Variants in MACROH2A1 observed in about 807,000 individuals in gnomAD.
MACROH2A1 encodes macroH2A.1 histone.
A neutral mutation model predicts 31.6 loss-of-function variants in MACROH2A1; 2 were observed. That is an observed-to-expected ratio of 0.06 (90% confidence interval 0.03 to 0.20). The LOEUF is 0.20. Among genes scored for constraint, MACROH2A1 ranks in the 10% least tolerant of loss-of-function variants. The pLI is 1.00. For missense variants in MACROH2A1, 230 were observed against 474.0 expected (o/e 0.49, Z 4.78); for synonymous variants, 169 against 189.6 (o/e 0.89, Z 0.89).
chr5:135,360,028 C>G (rs1359894509), intron 5 of MACROH2A1: 1 of 324,578 alleles, frequency 3.1e-6, no homozygotes, highest in Non-Finnish European at 4.5e-6. Flanking sequence ...CCCAGTGCAC[C>G]CATCAGTACA....
chr5:135,343,170 C>T, intron 8 of MACROH2A1, 90 bp downstream of exon 8: 6 of 1,601,886 alleles, frequency 3.7e-6, no homozygotes, highest in Non-Finnish European at 5.1e-6. Flanking sequence ...CTCCGTGGGC[C>T]TTGCACAGAG....
chr5:135,334,959 T>G lies in MACROH2A1; in HGVS notation c.*17A>C. Reference sequence around the variant, plus strand: ...AAGGTGGGGTACATGGTGCAGCTGGTTCTGTCATTGCTCAGCCTAGTTGGC... The same window carrying G: ...AAGGTGGGGTACATGGTGCAGCTGGGTCTGTCATTGCTCAGCCTAGTTGGC... On this transcript the variant is annotated 3_prime_UTR_variant, in exon 9 of 9. Coordinates refer to ENST00000511689, the MANE Select transcript of MACROH2A1 (RefSeq NM_138610.3). 21 of 1,608,240 alleles carry G rather than the reference T, an allele frequency of 1.3e-5. No homozygotes were observed. Among genetic ancestry groups the G allele is most frequent in the Non-Finnish European group, 1.8e-5 (21 of 1,175,176 alleles).
At chr5:135,349,900 C>T (rs1191458614) in intron 6 of MACROH2A1, among the ~76,000 whole-genome samples, 1 of 152,138 alleles carries the variant, frequency 6.6e-6, no homozygotes, top group African/African-American at 2.4e-5. Flanking sequence ...AGATAGGGAA[C>T]CTGAAGCACT....
chr5:135,379,044 A>G (rs530994369), intron 2 of MACROH2A1, among the ~76,000 whole-genome samples: 1 of 152,326 alleles, frequency 6.6e-6, no homozygotes, highest in Non-Finnish European at 1.5e-5. Flanking sequence ...AATGTGAACC[A>G]AAGACTACCT....
intron 8 of MACROH2A1, among the ~76,000 whole-genome samples, chr5:135,340,285 A>G (rs570088899): frequency 6.6e-6 from 1 of 152,308 alleles, no homozygotes; most frequent in South Asian, 2.1e-4. Context: ...AATGCTGTTC[A>G]CCTTGTAGGG....
intron 2 of MACROH2A1, among the ~76,000 whole-genome samples, chr5:135,376,979 T>C (rs184637035): frequency 5.9e-4 from 90 of 152,356 alleles, no homozygotes; most frequent in African/African-American, 2.1e-3. Flanking sequence ...CCTCTGCCAA[T>C]AGTTTACTCT....
intron 2 of MACROH2A1, among the ~76,000 whole-genome samples, chr5:135,382,523 A>C (rs1765787914): frequency 6.6e-6 from 1 of 152,248 alleles, no homozygotes; most frequent in Admixed American, 6.5e-5. Flanking sequence ...ACCTAAATGT[A>C]GAATGCAAAC....
At chr5:135,340,921 C>T (rs935617846) in intron 8 of MACROH2A1, among the ~76,000 whole-genome samples, 7 of 152,204 alleles carry the variant, frequency 4.6e-5, no homozygotes, top group African/African-American at 1.7e-4. Context: ...CTGCCTTAGG[C>T]ATTTCCCCCT....
intron 7 of MACROH2A1, chr5:135,345,168 G>A (rs1044070411): frequency 1.3e-5 from 2 of 152,258 alleles, no homozygotes; most frequent in African/African-American, 4.8e-5. Context: ...GAATCCTACT[G>A]GATCCTGAGA....
chr5:135,351,743 T>C (rs772632528), intron 6 of MACROH2A1, among the ~76,000 whole-genome samples: 42 of 151,240 alleles, frequency 2.8e-4, no homozygotes, highest in Non-Finnish European at 5.5e-4. Context: ...TTTTATTTTT[T>C]GTAGAGATGA....
rs573158795 is a variant in MACROH2A1, at chr5:135,343,375, C to A, written c.838G>T (p.Val280Phe). ...AKFVIHCNSP[V>F]WGADKCEELL... is the part of the protein sequence containing the mutation. ...TCTTCACACTTGTCTGCACCCCAAA[C>A]TGGACTATTACAGTGGATCACAAAC... Residue 280 changes from valine to phenylalanine, a missense_variant, in exon 8 of 9, where the codon GTT (valine) becomes TTT (phenylalanine). This residue lies in a region of MACROH2A1 where 183 missense variants were observed against 319.3 expected (regional missense o/e 0.57). Coordinates refer to ENST00000511689, the MANE Select transcript of MACROH2A1 (RefSeq NM_138610.3). 3.7e-6 allele frequency: 6 copies of A among 1,614,264 alleles called. No individual in the cohort carries two copies. In the South Asian group the frequency reaches 6.6e-5, roughly 18 times the overall value.
At chr5:135,349,299 G>A (rs1447234896) in intron 6 of MACROH2A1, among the ~76,000 whole-genome samples, 1 of 152,134 alleles carries the variant, frequency 6.6e-6, no homozygotes, top group African/African-American at 2.4e-5. Flanking sequence ...CTCTAAATAA[G>A]TACTTCCTTT....
At chr5:135,343,207 T>C (rs763249667) in intron 8 of MACROH2A1, 53 bp downstream of exon 8, 2 of 1,608,840 alleles carry the variant, frequency 1.2e-6, no homozygotes, top group African/African-American at 1.3e-5. Context: ...ATGGGCCATG[T>C]GTGCGCAGAG....
chr5:135,335,041 C>T lies in MACROH2A1; in HGVS notation c.1054G>A (p.Val352Met), dbSNP rs1376708904. 6.2e-6 allele frequency: 10 copies of T among 1,613,820 alleles called. No homozygotes were observed. The highest frequency in any genetic ancestry group is 1.1e-5 in the South Asian group (1 of 91,080). ...CCTATACTCTCGCTGTCAAAAAGCA[C>T]GAAGTACACCGTTTTGATGGAAGAG... ...MSSSIKTVYF[V>M]LFDSESIGIY... Residue 352 changes from valine to methionine, a missense_variant, in exon 9 of 9, where the codon GTG (valine) becomes ATG (methionine). Physicochemically the swap from Val to Met is conservative, Grantham distance 21. Transcript: ENST00000511689.
chr5:135,341,101 CT>C (rs1259336520), intron 8 of MACROH2A1, among the ~76,000 whole-genome samples: 1 of 152,260 alleles, frequency 6.6e-6, no homozygotes, highest in Non-Finnish European at 1.5e-5. Flanking sequence ...ATAAAGTTTC[CT>C]ATTGCCTCCC....
intron 6 of MACROH2A1, among the ~76,000 whole-genome samples, chr5:135,351,736 T>C (rs1003503077): frequency 6.6e-6 from 1 of 151,544 alleles, no homozygotes; most frequent in Admixed American, 6.6e-5. Flanking sequence ...CTAAGTTTTT[T>C]ATTTTTTGTA....
chr5:135,368,831 A>T (rs1484961291), intron 4 of MACROH2A1, among the ~76,000 whole-genome samples: 1 of 152,162 alleles, frequency 6.6e-6, no homozygotes. Flanking sequence ...ATGACATTAG[A>T]TAACACTAAT....
rs148436329 is a variant in MACROH2A1 at position 135,383,570 on chromosome 5, CT to C, written c.172+5351del. Among the ~76,000 whole-genome samples, 1,071 of 152,254 alleles carry C rather than the reference CT, an allele frequency of 7.0e-3. 13 individuals carry two copies. The highest frequency in any genetic ancestry group is 0.024 in the African/African-American group (1,016 of 41,540). ...GTGTTTTTTCTCTAGCTGTAAGCCCCTGGCTCCTTTCCCGTGTGATTAAGAT... is the reference window on the plus strand; with the variant it reads ...GTGTTTTTTCTCTAGCTGTAAGCCCCGGCTCCTTTCCCGTGTGATTAAGAT... On this transcript the variant is annotated intron_variant, in intron 2 of 8. Coordinates refer to ENST00000511689, the MANE Select transcript of MACROH2A1 (RefSeq NM_138610.3).
At chr5:135,394,364 TGTCAGTCACA>T (rs987174877) in intron 1 of MACROH2A1, among the ~76,000 whole-genome samples, 20 of 152,346 alleles carry the variant, frequency 1.3e-4, no homozygotes, top group Admixed American at 5.2e-4. Flanking sequence ...CCATGCCTTC[TGTCAGTCACA>T]GTCTAGTTTG....
Sources: gnomAD v4.1 joint callset for allele counts (sites outside exome capture counted in the v4.1 genomes callset) on GRCh38, gnomAD v4.1.1 for gene constraint, gnomAD v4.1.1 regional missense constraint, MANE v1.5 for transcripts, NCBI Gene and HGNC (gene_info 2026-07-23, HGNC 2026-07-21) for gene names.